The following CNST variants were observed in gnomAD, a reference collection of about 807,000 sequenced individuals.
CNST encodes the protein consortin, connexin sorting protein, also known as consortin.
A neutral mutation model predicts 72.4 loss-of-function variants in CNST; 39 were observed. The observed-to-expected ratio is 0.54, with a 90% CI of 0.42 to 0.70. The LOEUF is 0.70. CNST is among the 30% of genes least tolerant of loss of function. CNST has a pLI of 0.00. For missense variants in CNST, 871 were observed against 868.5 expected (o/e 1.00, Z -0.04); for synonymous variants, 332 against 320.1 (o/e 1.04, Z -0.40).
intron 9 of CNST, 33 bp from the exon 10 acceptor site, chr1:246,660,165 TA>T: frequency 1.3e-6 from 2 of 1,571,316 alleles, no homozygotes; most frequent in Non-Finnish European, 1.7e-6. Context: ...CCCGCCTTAA[TA>T]AAAGAATTAT....
intron 1 of CNST, among the ~76,000 whole-genome samples, chr1:246,588,387 A>G (rs1430408121): frequency 6.6e-6 from 1 of 152,216 alleles, no homozygotes; most frequent in Non-Finnish European, 1.5e-5. Context: ...AATTTTAAAT[A>G]GTATCTATTT....
intron 2 of CNST, among the ~76,000 whole-genome samples, chr1:246,598,732 A>G (rs188797670): frequency 6.6e-6 from 1 of 152,262 alleles, no homozygotes; most frequent in Admixed American, 6.5e-5. Flanking sequence ...GGTGAACAGG[A>G]GTCTACATCA....
intron 1 of CNST, among the ~76,000 whole-genome samples, chr1:246,584,185 TC>T (rs762637559): frequency 5.3e-5 from 8 of 152,242 alleles, no homozygotes; most frequent in Admixed American, 1.3e-4. Flanking sequence ...CAAGCGATCC[TC>T]GCAGAGTGCT....
intron 1 of CNST, among the ~76,000 whole-genome samples, chr1:246,581,622 C>T (rs767963533): frequency 6.6e-6 from 1 of 152,242 alleles, no homozygotes; most frequent in Admixed American, 6.5e-5. Flanking sequence ...TGCTTAAAAA[C>T]ATTCCATTAC....
At position 246,591,588 on chromosome 1, in the gene CNST, A is replaced by G. The variant is rs139144244; in HGVS notation, c.26A>G (p.Tyr9Cys). The G allele has an allele frequency of 1.4e-5, 22 of 1,613,948 alleles. No homozygotes were observed. Among genetic ancestry groups the G allele is most frequent in the Non-Finnish European group, 1.8e-5 (21 of 1,179,948 alleles). The change falls in exon 2 of 11, where the codon TAT (tyrosine) becomes TGT (cysteine). Residue 9 changes from tyrosine to cysteine, a missense_variant. Coordinates refer to ENST00000366513, the MANE Select transcript of CNST (RefSeq NM_152609.3). ...ATGGATGACAGCGATACTCCTACATATTATCTGCAAATAGAACCACAAGAT... is the reference window on the plus strand; with the variant it reads ...ATGGATGACAGCGATACTCCTACATGTTATCTGCAAATAGAACCACAAGAT... Reference protein sequence around the residue: MDDSDTPTYYLQIEPQDGC... With the variant: MDDSDTPTCYLQIEPQDGC...
chr1:246,573,785 G>A lies in CNST; in HGVS notation c.-52+7122G>A, dbSNP rs73148089. On this transcript the variant is annotated intron_variant, in intron 1 of 10. Coordinates refer to ENST00000366513, the MANE Select transcript of CNST (RefSeq NM_152609.3). The stretch of plus-strand genomic sequence containing the variant: ...TAAAGCTTCCATGTACTTGTGTAAC[G>A]CTTTGTGTAAAACCACGTACTTTGT... Among the ~76,000 whole-genome samples the A allele has an allele frequency of 6.2e-3, 942 of 152,258 alleles. 11 individuals carry two copies. The highest frequency in any genetic ancestry group is 0.021 in the African/African-American group (886 of 41,536).
intron 9 of CNST, among the ~76,000 whole-genome samples, chr1:246,657,967 G>A (rs1666860593): frequency 6.6e-6 from 1 of 152,098 alleles, no homozygotes; most frequent in African/African-American, 2.4e-5. Context: ...TTCTTAATAG[G>A]GTTGTTTTTT....
chr1:246,608,974 G>A (rs1166493156), intron 2 of CNST, among the ~76,000 whole-genome samples: 1 of 152,176 alleles, frequency 6.6e-6, no homozygotes, highest in East Asian at 1.9e-4. Flanking sequence ...AGCGAGTCAG[G>A]TTGCTTACTT....
intron 6 of CNST, among the ~76,000 whole-genome samples, chr1:246,639,741 CAA>C (rs1205279820): frequency 3.3e-5 from 5 of 152,168 alleles, no homozygotes; most frequent in South Asian, 2.1e-4. Context: ...GTTCAAATCC[CAA>C]GAGTGCACCA....
intron 9 of CNST, among the ~76,000 whole-genome samples, chr1:246,656,428 T>G (rs1224760337): frequency 6.6e-6 from 1 of 152,166 alleles, no homozygotes; most frequent in Non-Finnish European, 1.5e-5. Flanking sequence ...TTTTTTTAAT[T>G]CTGCATTTAT....
In CNST at chr1:246,667,407, A is replaced by G. The variant is rs998322137; in HGVS notation, c.*1502A>G. ...TGTGTATTTAGTGTTTTGATTTTCTATAATTTCAGTTCCGCGTGTTTTTAC... is the reference window on the plus strand; with the variant it reads ...TGTGTATTTAGTGTTTTGATTTTCTGTAATTTCAGTTCCGCGTGTTTTTAC... On this transcript the variant is annotated 3_prime_UTR_variant, in exon 11 of 11. Coordinates refer to ENST00000366513, the MANE Select transcript of CNST (RefSeq NM_152609.3). 1 of 152,168 alleles carries G rather than the reference A, an allele frequency of 6.6e-6. No individual in the cohort carries two copies. The allele number at this position is 152,168 out of a possible 1,614,324, so 9.4% of individuals were successfully genotyped here. A position where few individuals can be genotyped will look rare whatever the true frequency, so the allele number is the denominator to read the frequency against.
At chr1:246,602,324 TG>T (rs1662339807) in intron 2 of CNST, among the ~76,000 whole-genome samples, 1 of 152,210 alleles carries the variant, frequency 6.6e-6, no homozygotes, top group Admixed American at 6.5e-5. Context: ...AGAATCTGTG[TG>T]TGGCTTAGCT....
chr1:246,651,346 TTC>T (rs1666437297), intron 9 of CNST, among the ~76,000 whole-genome samples: 1 of 152,080 alleles, frequency 6.6e-6, no homozygotes, highest in South Asian at 2.1e-4. Flanking sequence ...CCCGCCCAGG[TTC>T]TCTTACTTCC....
intron 6 of CNST, among the ~76,000 whole-genome samples, chr1:246,634,966 G>A (rs547247844): frequency 3.3e-5 from 5 of 151,616 alleles, no homozygotes; most frequent in Non-Finnish European, 5.9e-5. Context: ...CGTGTCTTCC[G>A]GCCGGGGTGC....
chr1:246,571,738 C>T (rs1411562926), intron 1 of CNST, among the ~76,000 whole-genome samples: 1 of 152,194 alleles, frequency 6.6e-6, no homozygotes, highest in East Asian at 1.9e-4. Flanking sequence ...TAGCCTTGAA[C>T]TCCTGGGCTC....
intron 3 of CNST, among the ~76,000 whole-genome samples, chr1:246,623,511 G>A (rs926161967): frequency 5.3e-5 from 8 of 152,222 alleles, no homozygotes; most frequent in African/African-American, 1.9e-4. Flanking sequence ...CAGCACTTTG[G>A]GAGGCCGAGG....
rs137976517 is a variant in CNST at position 246,590,237 on chromosome 1, C to T, written c.-51-1275C>T. On this transcript the variant is annotated intron_variant, in intron 1 of 10. Coordinates refer to ENST00000366513, the MANE Select transcript of CNST (RefSeq NM_152609.3). ...TGATAGATCGAGCAAGCGTGGGGAG[C>T]GTGACTGGGGGCTACATGCATCAGC... Among the ~76,000 whole-genome samples, 364 of 152,154 alleles carry T rather than the reference C, an allele frequency of 2.4e-3. 3 individuals are homozygous for T. The highest frequency in any genetic ancestry group is 8.3e-3 in the African/African-American group (344 of 41,514).
intron 8 of CNST, among the ~76,000 whole-genome samples, chr1:246,644,367 G>A (rs552925007): frequency 4.7e-5 from 6 of 126,568 alleles, no homozygotes; most frequent in South Asian, 2.5e-4. Context: ...CCGCCTGGGC[G>A]ACAGAGCGAG....
At chr1:246,651,521 G>T (rs1666447400) in intron 9 of CNST, among the ~76,000 whole-genome samples, 1 of 152,172 alleles carries the variant, frequency 6.6e-6, no homozygotes, top group Non-Finnish European at 1.5e-5. Context: ...CCAGCCCAGT[G>T]CAAGCACTTG....
Sources: gnomAD v4.1 joint callset for allele counts (sites outside exome capture counted in the v4.1 genomes callset) on GRCh38, gnomAD v4.1.1 for gene constraint, MANE v1.5 for transcripts, NCBI Gene and HGNC (gene_info 2026-07-23, HGNC 2026-07-21) for gene names.